The following LONP2 variants were observed in gnomAD, a reference collection of about 807,000 sequenced individuals.
The protein encoded by LONP2 is lon protease homolog 2, peroxisomal.
A neutral mutation model predicts 85.6 loss-of-function variants in LONP2; 60 were observed. The observed-to-expected ratio is 0.70, with a 90% CI of 0.57 to 0.87. The LOEUF (loss-of-function observed/expected upper bound fraction) is 0.87. Among genes scored for constraint, LONP2 ranks in the 40% least tolerant of loss-of-function variants. The pLI is 0.00. For synonymous variants in LONP2, 395 were observed against 389.7 expected (o/e 1.01, Z -0.16); for missense variants, 860 against 1,063.5 (o/e 0.81, Z 2.66).
chr16:48,264,418 A>AAAG (rs774213426), intron 6 of LONP2, among the ~76,000 whole-genome samples: 3 of 152,340 alleles, frequency 2.0e-5, no homozygotes, highest in African/African-American at 4.8e-5. Flanking sequence ...TTTGCTTTTG[A>AAAG]AAGAAGAGAA....
At chr16:48,263,502 G>C (rs568307933) in intron 6 of LONP2, among the ~76,000 whole-genome samples, 111 of 152,278 alleles carry the variant, frequency 7.3e-4, no homozygotes, top group Middle Eastern at 3.4e-3. Flanking sequence ...CTCTAACCTA[G>C]AGGTCCATCC....
chr16:48,271,147 C>T (rs537656534), intron 7 of LONP2, among the ~76,000 whole-genome samples: 7 of 152,164 alleles, frequency 4.6e-5, no homozygotes, highest in African/African-American at 1.4e-4. Flanking sequence ...TCCCACTGCA[C>T]GCCAGCCTGG....
chr16:48,312,725 G>C lies in LONP2; in HGVS notation c.1795+9420G>C, dbSNP rs894723497. ...CTTTCTTCCAAGGCACTATGCAGTTGTATCAATAGATGTTGTAATGGGTGG... is the reference window on the plus strand; with the variant it reads ...CTTTCTTCCAAGGCACTATGCAGTTCTATCAATAGATGTTGTAATGGGTGG... On this transcript the variant is annotated intron_variant, in intron 11 of 14. Coordinates refer to ENST00000285737, the MANE Select transcript of LONP2 (RefSeq NM_031490.5). Among the ~76,000 whole-genome samples the C allele has an allele frequency of 4.6e-5, 7 of 152,318 alleles. 1 individual carries two copies. Among genetic ancestry groups the C allele is most frequent in the Admixed American group, 4.6e-4 (7 of 15,298 alleles).
At chr16:48,295,187 C>CT (rs1972641361) in intron 8 of LONP2, among the ~76,000 whole-genome samples, 2 of 152,166 alleles carry the variant, frequency 1.3e-5, no homozygotes, top group African/African-American at 2.4e-5. Context: ...GCCTGGCCAA[C>CT]ATGGTGAAAC....
chr16:48,325,431 G>T (rs1414756360), intron 11 of LONP2, among the ~76,000 whole-genome samples: 2 of 152,144 alleles, frequency 1.3e-5, no homozygotes, highest in Non-Finnish European at 2.9e-5. Context: ...CCCCTTGCCA[G>T]TCTCTTGTAA....
chr16:48,320,397 G>A (rs561529015), intron 11 of LONP2, among the ~76,000 whole-genome samples: 3 of 152,154 alleles, frequency 2.0e-5, no homozygotes, highest in Non-Finnish European at 4.4e-5. Flanking sequence ...AATTTTCCAA[G>A]GAACTAAGGT....
intron 11 of LONP2, among the ~76,000 whole-genome samples, chr16:48,305,745 TG>T (rs1972899637): frequency 6.6e-6 from 1 of 152,208 alleles, no homozygotes; most frequent in African/African-American, 2.4e-5. Flanking sequence ...TTCTCTAGCC[TG>T]TTAAGTGTTG....
At chr16:48,280,452 A>G (rs1972302953) in intron 8 of LONP2, among the ~76,000 whole-genome samples, 1 of 152,238 alleles carries the variant, frequency 6.6e-6, no homozygotes, top group African/African-American at 2.4e-5. Flanking sequence ...TCACCTATAT[A>G]TACTTTGTAA....
intron 6 of LONP2, among the ~76,000 whole-genome samples, chr16:48,267,529 G>T (rs986098917): frequency 6.7e-6 from 1 of 149,440 alleles, no homozygotes; most frequent in South Asian, 2.2e-4. Context: ...CGAACTTCTG[G>T]CCTCAAGTGA....
chr16:48,281,094 G>T, intron 8 of LONP2, among the ~76,000 whole-genome samples: 2 of 152,224 alleles, frequency 1.3e-5, no homozygotes, highest in Middle Eastern at 6.8e-3. Flanking sequence ...GATATTATTT[G>T]TAAAATGTAT....
intron 11 of LONP2, among the ~76,000 whole-genome samples, chr16:48,329,354 A>T (rs1435525957): frequency 6.6e-6 from 1 of 152,176 alleles, no homozygotes; most frequent in East Asian, 1.9e-4. Context: ...TTTGTCCAGC[A>T]TATCCATGCT....
At chr16:48,350,722 T>A (rs1365915821) in intron 14 of LONP2, among the ~76,000 whole-genome samples, 3 of 152,218 alleles carry the variant, frequency 2.0e-5, no homozygotes, top group African/African-American at 7.2e-5. Context: ...GCTGGGTTCT[T>A]GTGGCCCAGG....
chr16:48,286,036 C>T (rs544950146), intron 8 of LONP2, among the ~76,000 whole-genome samples: 18 of 152,168 alleles, frequency 1.2e-4, no homozygotes, highest in Middle Eastern at 3.4e-3. Flanking sequence ...GTGCATCATA[C>T]GGTACTTATC....
chr16:48,304,783 A>C (rs1175365910), intron 11 of LONP2, among the ~76,000 whole-genome samples: 1 of 152,212 alleles, frequency 6.6e-6, no homozygotes. Flanking sequence ...TCATCATATC[A>C]TGCTGTTATG....
At chr16:48,334,607 C>T in intron 12 of LONP2, 1 of 644,862 alleles carries the variant, frequency 1.6e-6, no homozygotes, top group South Asian at 1.6e-5. Context: ...GGCAAGGTGG[C>T]AGAGGGAAGG....
intron 11 of LONP2, among the ~76,000 whole-genome samples, chr16:48,331,769 T>C (rs1053887466): frequency 2.6e-5 from 4 of 152,060 alleles, no homozygotes; most frequent in East Asian, 1.9e-4. Flanking sequence ...TTTCACTGTG[T>C]TAGCCAGGAT....
chr16:48,324,571 G>A (rs1973331149), intron 11 of LONP2, among the ~76,000 whole-genome samples: 4 of 152,162 alleles, frequency 2.6e-5, no homozygotes, highest in Admixed American at 2.6e-4. Context: ...GACAAAATTA[G>A]CATTAAAAAC....
At chr16:48,315,098 A>C (rs1280461683) in intron 11 of LONP2, among the ~76,000 whole-genome samples, 1 of 152,264 alleles carries the variant, frequency 6.6e-6, no homozygotes, top group Non-Finnish European at 1.5e-5. Flanking sequence ...ACCAACTGAC[A>C]TAGGCTTTGC....
chr16:48,312,518 T>C (rs1374167910), intron 11 of LONP2, among the ~76,000 whole-genome samples: 1 of 152,192 alleles, frequency 6.6e-6, no homozygotes, highest in Non-Finnish European at 1.5e-5. Context: ...CATTTGGCTT[T>C]GCTTCAGGGT....
Sources: allele counts gnomAD v4.1 joint callset (sites outside exome capture counted in the v4.1 genomes callset), GRCh38; gene constraint gnomAD v4.1.1; transcripts MANE v1.5; gene names NCBI Gene and HGNC (gene_info 2026-07-23, HGNC 2026-07-21).